KATNAL2: variants seen among roughly 807,000 people sequenced by gnomAD.
KATNAL2 encodes the protein katanin p60 ATPase-containing subunit A-like 2.
KATNAL2 carries 52 observed loss-of-function variants against 76.3 expected under a neutral mutation model. The ratio of observed to expected loss-of-function variants is 0.68; its 90% CI spans 0.55 to 0.86. The LOEUF is 0.86. Ranked by LOEUF, KATNAL2 falls within the 40% of genes least tolerant of loss-of-function variation. KATNAL2 has a pLI of 0.00. For missense variants in KATNAL2, 660 were observed against 668.9 expected (o/e 0.99, Z 0.15); for synonymous variants, 243 against 244.2 (o/e 1.00, Z 0.05).
In KATNAL2 at chr18:47,077,365, G is replaced by A; in HGVS notation, c.1115G>A (p.Gly372Glu). ...RGTASGGEHEGSLRMKTELLV... is the reference protein window; with the variant it reads ...RGTASGGEHEESLRMKTELLV... ...TCTCTCTGTAGGGGAGAACATGAAG[G>A]AAGCCTGCGGATGAAGACAGAGTTA... The change falls in exon 15 of 18, where the codon GGA (glycine) becomes GAA (glutamate). Residue 372 changes from glycine (G) to glutamate (E), a missense_variant. Gly to Glu is a moderately conservative substitution (Grantham distance 98). Transcript: ENST00000683218. The A allele has an allele frequency of 6.2e-7, 1 of 1,613,588 alleles. No individual in the cohort carries two copies. The highest frequency in any genetic ancestry group is 8.5e-7 in the Non-Finnish European group (1 of 1,179,532).
chr18:46,951,866 G>A (rs539962996), intron 3 of KATNAL2, among the ~76,000 whole-genome samples: 1 of 152,094 alleles, frequency 6.6e-6, no homozygotes, highest in Non-Finnish European at 1.5e-5. Flanking sequence ...CACCTCCCGG[G>A]TTCAAGCTAT....
chr18:46,959,355 T>C, intron 3 of KATNAL2, among the ~76,000 whole-genome samples: 1 of 152,208 alleles, frequency 6.6e-6, no homozygotes, highest in East Asian at 1.9e-4. Context: ...TAAAATGCTG[T>C]GGCTGCTATT....
intron 1 of KATNAL2, among the ~76,000 whole-genome samples, chr18:46,932,673 C>CAAAAAAA (rs1162695359): frequency 2.1e-4 from 9 of 42,854 alleles, no homozygotes; most frequent in African/African-American, 8.1e-4. Context: ...GACTCTGTCT[C>CAAAAAAA]AAAAAAAAAA....
chr18:46,956,157 T>G lies in KATNAL2; in HGVS notation c.51+9234T>G, dbSNP rs2059740550. The stretch of plus-strand genomic sequence containing the variant: ...TTATTTCTTTGGATATTGTAGGGTC[T>G]GGTGGCTGAGCATGAGAGTGGGTAT... On this transcript the variant is annotated intron_variant, in intron 3 of 17. Coordinates refer to ENST00000683218, the MANE Select transcript of KATNAL2 (RefSeq NM_001387690.1). 2.6e-5 allele frequency among the ~76,000 whole-genome samples: 4 copies of G among 152,362 alleles called. No individual in the cohort carries two copies. In the South Asian group the frequency reaches 8.3e-4, roughly 32 times the overall value.
chr18:46,923,312 C>G (rs991732516), intron 1 of KATNAL2, among the ~76,000 whole-genome samples: 22 of 147,224 alleles, frequency 1.5e-4, no homozygotes, highest in Admixed American at 2.1e-4. Context: ...TGAGTGAGAA[C>G]ATGTGGTGTT....
Position 47,034,097 on chromosome 18 carries a change from C to A in KATNAL2, c.52-12360C>A, listed in dbSNP as rs542013113. On this transcript the variant is annotated intron_variant, in intron 3 of 17. Coordinates refer to ENST00000683218, the MANE Select transcript of KATNAL2 (RefSeq NM_001387690.1). ...TTTTTCTTTTGCTTCCGCAACTGATCGTAGGTGAGGTATTTTTCACATGAC... is the reference window on the plus strand; with the variant it reads ...TTTTTCTTTTGCTTCCGCAACTGATAGTAGGTGAGGTATTTTTCACATGAC... 47 of 1,614,180 alleles carry A rather than the reference C, an allele frequency of 2.9e-5. No homozygotes were observed. The South Asian group carries it at 3.7e-4, about 13-fold the overall frequency.
At chr18:46,959,310 A>G (rs1241206388) in intron 3 of KATNAL2, among the ~76,000 whole-genome samples, 1 of 152,218 alleles carries the variant, frequency 6.6e-6, no homozygotes, top group Middle Eastern at 3.2e-3. Flanking sequence ...AACCCCTTCA[A>G]TTCTGACCAC....
In KATNAL2 at chr18:46,946,896, G is replaced by A; in HGVS notation, c.24G>A (p.Leu8=). 1 of 1,535,644 alleles carries A rather than the reference G, an allele frequency of 6.5e-7. No homozygotes were observed. The highest frequency in any genetic ancestry group is 8.7e-7 in the Non-Finnish European group (1 of 1,146,462). The part of the protein sequence containing the change: MELSYQT[L]KFTHQAREAC... ...TGATGGAGCTTTCCTACCAGACCCT[G>A]AAATTCACGCATCAGGCGCGGGAAG... The change falls in exon 3 of 18, where the codon CTG becomes CTA. Residue 8 remains leucine, a synonymous_variant. Coordinates refer to ENST00000683218, the MANE Select transcript of KATNAL2 (RefSeq NM_001387690.1).
In KATNAL2 at chr18:47,033,738, A is replaced by G. The variant is rs773290459; in HGVS notation, c.52-12719A>G. On this transcript the variant is annotated intron_variant, in intron 3 of 17. Coordinates refer to ENST00000683218, the MANE Select transcript of KATNAL2 (RefSeq NM_001387690.1). The stretch of plus-strand genomic sequence containing the variant: ...AGCCCGAGTACACCGGCATCTTAGC[A>G]TTCACTCTGCGTCCAGGGAAAGCAG... 5.1e-5 allele frequency: 83 copies of G among 1,614,172 alleles called. No individual in the cohort carries two copies. The Middle Eastern group carries it at 9.9e-4, about 19-fold the overall frequency.
intron 3 of KATNAL2, among the ~76,000 whole-genome samples, chr18:47,039,337 C>A (rs542187500): frequency 3.9e-5 from 6 of 152,122 alleles, no homozygotes; most frequent in African/African-American, 1.4e-4. Flanking sequence ...ATTTTAGAAC[C>A]TTTTCATTAG....
chr18:47,064,344 A>G (rs1277821480), intron 10 of KATNAL2, among the ~76,000 whole-genome samples: 1 of 152,142 alleles, frequency 6.6e-6, no homozygotes, highest in Non-Finnish European at 1.5e-5. Context: ...AGGCACTTCC[A>G]TGAGAAATTG....
chr18:47,068,984 T>A (rs2061904781), intron 11 of KATNAL2, among the ~76,000 whole-genome samples: 1 of 152,166 alleles, frequency 6.6e-6, no homozygotes, highest in South Asian at 2.1e-4. Context: ...TCCAAAAAAA[T>A]TGGTCCTTTA....
chr18:46,950,017 C>G (rs1290203289), intron 3 of KATNAL2, among the ~76,000 whole-genome samples: 1 of 152,168 alleles, frequency 6.6e-6, no homozygotes, highest in Non-Finnish European at 1.5e-5. Context: ...CAATAAAGCC[C>G]AACCTCTGCC....
chr18:46,923,736 A>G (rs978233364), intron 1 of KATNAL2, among the ~76,000 whole-genome samples: 7 of 152,172 alleles, frequency 4.6e-5, no homozygotes, highest in East Asian at 1.9e-4. Context: ...TCCAGCACCT[A>G]TTGTCTCCTG....
chr18:46,943,850 C>A (rs1325505959), intron 1 of KATNAL2, among the ~76,000 whole-genome samples: 1 of 152,204 alleles, frequency 6.6e-6, no homozygotes, highest in African/African-American at 2.4e-5. Flanking sequence ...TACCTCCCAA[C>A]TTAGTGAAGC....
chr18:46,958,633 G>A (rs999787436), intron 3 of KATNAL2, among the ~76,000 whole-genome samples: 7 of 152,078 alleles, frequency 4.6e-5, no homozygotes, highest in African/African-American at 7.2e-5. Context: ...CTCCAACTCC[G>A]TTTTAAATTT....
chr18:47,099,276 G>T lies in KATNAL2; in HGVS notation c.1245G>T (p.Glu415Asp). 1.9e-6 allele frequency: 3 copies of T among 1,614,132 alleles called. No individual in the cohort carries two copies. Among genetic ancestry groups the T allele is most frequent in the Non-Finnish European group, 2.5e-6 (3 of 1,179,966 alleles). ...ELDCAMLRRLEKRILVDLPSR... is the reference protein window; with the variant it reads ...ELDCAMLRRLDKRILVDLPSR... ...ACTGTGCCATGTTACGCCGCCTGGAGAAGAGGATTCTGGTCGATCTCCCCA... is the reference window on the plus strand; with the variant it reads ...ACTGTGCCATGTTACGCCGCCTGGATAAGAGGATTCTGGTCGATCTCCCCA... Residue 415 changes from glutamate to aspartate, a missense_variant, in exon 16 of 18, where the codon GAG becomes GAT. Glu to Asp is a conservative substitution (Grantham distance 45). Transcript: ENST00000683218.
chr18:47,053,036 AT>A lies in KATNAL2; in HGVS notation c.280del (p.Ser94GlnfsTer19). ...AATACCCCAAAATTGTCAAAAAGTCATCAGACACAGGTACATGCCTATTTTC... is the reference window on the plus strand; with the variant it reads ...AATACCCCAAAATTGTCAAAAAGTCACAGACACAGGTACATGCCTATTTTC... Reference protein sequence around the residue: ...QKYPKIVKKSSDTAENNLPQR... With the variant: ...QKYPKIVKKSXDTAENNLPQR... On this transcript the variant is annotated frameshift_variant, in exon 5 of 18. Transcript: ENST00000683218. LOFTEE classifies it high-confidence loss of function. 6.2e-7 allele frequency: 1 copy of A among 1,602,424 alleles called. No homozygotes were observed. Among genetic ancestry groups the A allele is most frequent in the South Asian group, 1.1e-5 (1 of 88,340 alleles).
intron 4 of KATNAL2, among the ~76,000 whole-genome samples, chr18:47,051,693 T>A (rs2061345276): frequency 6.6e-6 from 1 of 152,222 alleles, no homozygotes; most frequent in Middle Eastern, 3.2e-3. Flanking sequence ...TGACTGTGGT[T>A]TGCAGCTTCT....
Sources: gnomAD v4.1 joint callset for allele counts (sites outside exome capture counted in the v4.1 genomes callset) on GRCh38, gnomAD v4.1.1 for gene constraint, MANE v1.5 for transcripts, NCBI Gene and HGNC (gene_info 2026-07-23, HGNC 2026-07-21) for gene names.